The following CLIC3 variants were observed in gnomAD, a reference collection of about 807,000 sequenced individuals.
CLIC3 encodes the protein chloride intracellular channel protein 3.
CLIC3 carries 29 observed loss-of-function variants against 19.9 expected under a neutral mutation model. The ratio of observed to expected loss-of-function variants is 1.46; its 90% confidence interval spans 1.09 to 1.99. CLIC3 has a LOEUF of 1.99. CLIC3 is among the 30% of genes most tolerant of loss of function. The pLI is 0.00. For synonymous variants in CLIC3, 143 were observed against 156.4 expected (o/e 0.91, Z 0.64); for missense variants, 365 against 342.6 (o/e 1.07, Z -0.52).
At position 136,994,781 on chromosome 9, in the gene CLIC3, C is replaced by A. The variant is rs1045606697; in HGVS notation, c.611G>T (p.Arg204Leu). ...CTCCTGCATCGCGCTGTCCAGGTAGCGGCGTACGCCGCGCAGCTCCGCGGG... is the reference window on the plus strand; with the variant it reads ...CTCCTGCATCGCGCTGTCCAGGTAGAGGCGTACGCCGCGCAGCTCCGCGGG... ...PIPAELRGVR[R>L]YLDSAMQEKE... is the part of the protein sequence containing the mutation. The change falls in exon 6 of 6, where the codon CGC becomes CTC. Residue 204 changes from arginine (R) to leucine (L), a missense_variant. Physicochemically the swap from Arg to Leu is moderately radical, Grantham distance 102 (BLOSUM62 -2). Coordinates refer to ENST00000494426, the MANE Select transcript of CLIC3 (RefSeq NM_004669.3). 4.4e-6 allele frequency: 7 copies of A among 1,596,060 alleles called. No homozygotes were observed. Among genetic ancestry groups the A allele is most frequent in the Middle Eastern group, 1.7e-4 (1 of 5,750 alleles).
Position 136,994,776 on chromosome 9 carries a change from G to C in CLIC3, c.616C>G (p.Leu206Val). 6.3e-7 allele frequency: 1 copy of C among 1,599,486 alleles called. No homozygotes were observed. The highest frequency in any genetic ancestry group is 8.5e-7 in the Non-Finnish European group (1 of 1,173,778). The stretch of plus-strand genomic sequence containing the variant: ...TCTTTCTCCTGCATCGCGCTGTCCA[G>C]GTAGCGGCGTACGCCGCGCAGCTCC... The part of the protein sequence containing the change: ...PAELRGVRRY[L>V]DSAMQEKEFK... Residue 206 changes from leucine to valine, a missense_variant, in exon 6 of 6, where the codon CTG becomes GTG. Leu to Val is a conservative substitution (Grantham distance 32). Coordinates refer to ENST00000494426, the MANE Select transcript of CLIC3 (RefSeq NM_004669.3).
Position 136,994,812 on chromosome 9 carries a change from G to A in CLIC3, c.580C>T (p.Pro194Ser). The change falls in exon 6 of 6, where the codon CCC (proline) becomes TCC (serine). Residue 194 changes from proline to serine, a missense_variant. Coordinates refer to ENST00000494426, the MANE Select transcript of CLIC3 (RefSeq NM_004669.3). ...DTVCAHFRQA[P>S]IPAELRGVRR... ...ACGCCGCGCAGCTCCGCGGGGATGG[G>A]CGCCTGGCGGAAGTGCGCGCACACC... is the stretch of plus-strand genomic sequence containing the variant. 6.3e-7 allele frequency: 1 copy of A among 1,583,152 alleles called. No individual in the cohort carries two copies. Among genetic ancestry groups the A allele is most frequent in the Non-Finnish European group, 8.6e-7 (1 of 1,165,892 alleles).
rs1452341843 is a variant in CLIC3, at chr9:136,995,516, C to G, written c.195G>C (p.Leu65=). The G allele has an allele frequency of 2.4e-5, 39 of 1,612,444 alleles. No individual in the cohort carries two copies. Among genetic ancestry groups the G allele is most frequent in the Non-Finnish European group, 3.3e-5 (39 of 1,179,866 alleles). Residue 65 remains leucine (L), a synonymous_variant, in exon 3 of 6, where the codon CTG becomes CTC. Transcript: ENST00000494426. ...DFAPGSQLPI[L]LYDSDAKTDT... is the part of the protein sequence containing the mutation. Reference sequence around the variant, plus strand: ...CTGTCTTGGCGTCGCTGTCATAGAGCAGGATGGGCAGCTGCGAGCCGGGGG... The same window carrying G: ...CTGTCTTGGCGTCGCTGTCATAGAGGAGGATGGGCAGCTGCGAGCCGGGGG...
In CLIC3 at chr9:136,994,846, G is replaced by GCAGGATCGCGGGGCGCGGT. The variant is rs1322585571; in HGVS notation, c.553-26_553-8dup. On this transcript the variant is annotated splice_region_variant and splice_polypyrimidine_tract_variant and intron_variant, in intron 5 of 5. Transcript: ENST00000494426. Reference sequence around the variant, plus strand: ...GGAAGTGCGCGCACACCGTCTGCGGGCAGGATCGCGGGGCGCGGTCAGGAC... The same window carrying GCAGGATCGCGGGGCGCGGT: ...GGAAGTGCGCGCACACCGTCTGCGGGCAGGATCGCGGGGCGCGGTCAGGATCGCGGGGCGCGGTCAGGAC... 5 of 1,543,198 alleles carry GCAGGATCGCGGGGCGCGGT rather than the reference G, an allele frequency of 3.2e-6. No individual in the cohort carries two copies. The highest frequency in any genetic ancestry group is 1.9e-5 in the Admixed American group (1 of 51,336).
chr9:136,995,325 T>A, intron 3 of CLIC3, 33 bp from the exon 4 acceptor site: 1 of 1,608,858 alleles, frequency 6.2e-7, no homozygotes, highest in Non-Finnish European at 8.5e-7. Flanking sequence ...TCCATTAGAC[T>A]GGGGGCAGCC....
intron 3 of CLIC3, 26 bp from the exon 4 acceptor site, chr9:136,995,318 A>G: frequency 3.7e-6 from 6 of 1,609,890 alleles, no homozygotes; most frequent in South Asian, 1.1e-5. Context: ...GTGGGACTCC[A>G]TTAGACTGGG....
In CLIC3 at chr9:136,994,946, T is replaced by G; in HGVS notation, c.536A>C (p.Lys179Thr). 1 of 1,434,868 alleles carries G rather than the reference T, an allele frequency of 7.0e-7. No homozygotes were observed. The highest frequency in any genetic ancestry group is 3.1e-5 in the East Asian group (1 of 32,716). The allele number at this position is 1,434,868 out of a possible 1,614,324, so 88.9% of individuals were successfully genotyped here. A position where few individuals can be genotyped will look rare whatever the true frequency, so the allele number is the denominator to read the frequency against. Residue 179 changes from lysine to threonine, a missense_variant, in exon 5 of 6, where the codon AAG (lysine) becomes ACG (threonine). Lys to Thr is a moderately conservative substitution (Grantham distance 78, BLOSUM62 -1). Coordinates refer to ENST00000494426, the MANE Select transcript of CLIC3 (RefSeq NM_004669.3). ...LTLADCSLLP[K>T]LHIVDTVCAH... Reference sequence around the variant, plus strand: ...CGTGCTCACGTCGACGATGTGCAGCTTGGGCAGGAGGCTGCAGTCGGCCAG... The same window carrying G: ...CGTGCTCACGTCGACGATGTGCAGCGTGGGCAGGAGGCTGCAGTCGGCCAG...
rs1195453440 is a variant in CLIC3 at position 136,994,857 on chromosome 9, G to C, written c.553-18C>G. Reference sequence around the variant, plus strand: ...CACACCGTCTGCGGGCAGGATCGCGGGGCGCGGTCAGGACCTGCCGTCCCC... The same window carrying C: ...CACACCGTCTGCGGGCAGGATCGCGCGGCGCGGTCAGGACCTGCCGTCCCC... On this transcript the variant is annotated intron_variant, in intron 5 of 5. Coordinates refer to ENST00000494426, the MANE Select transcript of CLIC3 (RefSeq NM_004669.3). 2.0e-6 allele frequency: 3 copies of C among 1,529,864 alleles called. No homozygotes were observed. The Admixed American group carries it at 6.0e-5, about 31-fold the overall frequency. 94.8% of individuals were successfully genotyped at this position (1,529,864 alleles called of 1,614,324 possible).
rs149536497 is a variant in CLIC3 at position 136,995,275 on chromosome 9, G to A, written c.287C>T (p.Pro96Leu). The A allele has an allele frequency of 3.1e-4, 506 of 1,612,674 alleles. 2 individuals carry two copies. The highest frequency in any genetic ancestry group is 3.1e-3 in the Middle Eastern group (19 of 6,060). Residue 96 changes from proline (P) to leucine (L), a missense_variant, in exon 4 of 6, where the codon CCT becomes CTT. Physicochemically the swap from Pro to Leu is moderately conservative, Grantham distance 98 (BLOSUM62 -3). Transcript: ENST00000494426. ...GGCGGTGTTGGACTCCCTGTAACGA[G>A]GCGCCAGGCTGGGGAAGCTGCGGGA... ...LGPPDFPSLAPRYRESNTAGN... is the reference protein window; with the variant it reads ...LGPPDFPSLALRYRESNTAGN...
intron 1 of CLIC3, 100 bp downstream of exon 1, chr9:136,996,411 A>C: frequency 9.0e-7 from 1 of 1,113,024 alleles, no homozygotes; most frequent in Non-Finnish European, 1.3e-6. Flanking sequence ...AGGGGCTCAG[A>C]CATTACTGGG....
chr9:136,994,695 C>G lies in CLIC3; in HGVS notation c.697G>C (p.Val233Leu). The change falls in exon 6 of 6, where the codon GTG becomes CTG. Residue 233 changes from valine to leucine, a missense_variant. Physicochemically the swap from Val to Leu is conservative, Grantham distance 32. Coordinates refer to ENST00000494426, the MANE Select transcript of CLIC3 (RefSeq NM_004669.3). ...AEILAAYRPA[V>L]HPR Reference sequence around the variant, plus strand: ...GGGGTGGGGCGCTAGCGGGGGTGCACGGCGGGCCGGTAGGCCGCCAGGATC... The same window carrying G: ...GGGGTGGGGCGCTAGCGGGGGTGCAGGGCGGGCCGGTAGGCCGCCAGGATC... 6.2e-7 allele frequency: 1 copy of G among 1,609,040 alleles called. No individual in the cohort carries two copies. Among genetic ancestry groups the G allele is most frequent in the Non-Finnish European group, 8.5e-7 (1 of 1,178,476 alleles).
At chr9:136,996,138 C>T (rs555258710) in intron 1 of CLIC3, among the ~76,000 whole-genome samples, 93 of 152,200 alleles carry the variant, frequency 6.1e-4, no homozygotes, top group Non-Finnish European at 1.2e-3. Flanking sequence ...ACATCAGTCC[C>T]CCACCCCAGT....
intron 5 of CLIC3, 33 bp downstream of exon 5, chr9:136,994,897 T>TCAGC: frequency 6.8e-7 from 1 of 1,471,238 alleles, no homozygotes; most frequent in Non-Finnish European, 8.9e-7. Context: ...CGCGCCGCGG[T>TCAGC]CACCCTCCCG....
chr9:136,995,184 A>G lies in CLIC3; in HGVS notation c.376+2T>C, dbSNP rs767950795. 6.2e-7 allele frequency: 1 copy of G among 1,611,542 alleles called. No homozygotes were observed. Among genetic ancestry groups the G allele is most frequent in the Admixed American group, 1.7e-5 (1 of 59,854 alleles). ...GCACCCGACCCCCTGACCCCGCTTC[A>G]CCTTCGTCCTGCGCGGGCACCGGGT... On this transcript the variant is annotated splice_donor_variant, in intron 4 of 5. Coordinates refer to ENST00000494426, the MANE Select transcript of CLIC3 (RefSeq NM_004669.3). LOFTEE classifies it high-confidence loss of function.
rs1257739802 is a variant in CLIC3, at chr9:136,995,221, G to A, written c.341C>T (p.Ala114Val). 6.2e-7 allele frequency: 1 copy of A among 1,612,814 alleles called. No individual in the cohort carries two copies. The highest frequency in any genetic ancestry group is 1.7e-5 in the Admixed American group (1 of 60,024). The change falls in exon 4 of 6, where the codon GCG becomes GTG. Residue 114 changes from alanine (A) to valine (V), a missense_variant. Physicochemically the swap from Ala to Val is moderately conservative, Grantham distance 64 (BLOSUM62 0). Coordinates refer to ENST00000494426, the MANE Select transcript of CLIC3 (RefSeq NM_004669.3). The stretch of plus-strand genomic sequence containing the variant: ...CGCGGGCACCGGGTTCTTGATGAAC[G>A]CGGAGAACTTGTGGAAAACGTCGTT... ...AGNDVFHKFSAFIKNPVPAQD... is the reference protein window; with the variant it reads ...AGNDVFHKFSVFIKNPVPAQD...
chr9:136,995,778 T>TG lies in CLIC3; in HGVS notation c.34-22dup, dbSNP rs1342653332. 34 of 1,326,180 alleles carry TG rather than the reference T, an allele frequency of 2.6e-5. No homozygotes were observed. The Middle Eastern group carries it at 7.8e-4, about 30-fold the overall frequency. 82.2% of individuals were successfully genotyped at this position (1,326,180 alleles called of 1,614,324 possible). ...CTCGCCTGGGTGGGTGGAGCGGGGG[T>TG]GGGGGGTCAGGGCTGGAAGCAGACC... On this transcript the variant is annotated intron_variant, in intron 1 of 5. Coordinates refer to ENST00000494426, the MANE Select transcript of CLIC3 (RefSeq NM_004669.3).
At chr9:136,994,900 C>T (rs1306099820) in intron 5 of CLIC3, 30 bp downstream of exon 5, 3 of 1,346,530 alleles carry the variant, frequency 2.2e-6, no homozygotes, top group Non-Finnish European at 3.0e-6. Flanking sequence ...GCCGCGGTCA[C>T]CCTCCCGCCC....
In CLIC3 at chr9:136,994,830, C is replaced by T. The variant is rs369494349; in HGVS notation, c.562G>A (p.Ala188Thr). Residue 188 changes from alanine to threonine, a missense_variant, in exon 6 of 6, where the codon GCG becomes ACG. Physicochemically the swap from Ala to Thr is moderately conservative, Grantham distance 58. Transcript: ENST00000494426. ...GGGATGGGCGCCTGGCGGAAGTGCGCGCACACCGTCTGCGGGCAGGATCGC... is the reference window on the plus strand; with the variant it reads ...GGGATGGGCGCCTGGCGGAAGTGCGTGCACACCGTCTGCGGGCAGGATCGC... ...PKLHIVDTVC[A>T]HFRQAPIPAE... 3.5e-5 allele frequency: 54 copies of T among 1,564,964 alleles called. No individual in the cohort carries two copies. Among genetic ancestry groups the T allele is most frequent in the Non-Finnish European group, 4.3e-5 (50 of 1,156,760 alleles).
intron 1 of CLIC3, among the ~76,000 whole-genome samples, 188 bp from the exon 2 acceptor site, chr9:136,995,945 G>A (rs1350399103): frequency 1.3e-5 from 2 of 152,222 alleles, no homozygotes; most frequent in African/African-American, 2.4e-5. Context: ...CGTGGGGAGG[G>A]GGGCAGAGCT....
Sources: gnomAD v4.1 joint callset for allele counts (sites outside exome capture counted in the v4.1 genomes callset) on GRCh38, gnomAD v4.1.1 for gene constraint, MANE v1.5 for transcripts, NCBI Gene and HGNC (gene_info 2026-07-23, HGNC 2026-07-21) for gene names.